Variants in DAB1 observed in about 807,000 individuals in gnomAD.
The protein encoded by DAB1 is DAB adaptor protein 1, also known as disabled homolog 1.
DAB1 carries 15 observed loss-of-function variants against 64.6 expected under a neutral mutation model. The ratio of observed to expected loss-of-function variants is 0.23; its 90% CI spans 0.16 to 0.36. The LOEUF is 0.36. Ranked by LOEUF, DAB1 falls within the 10% of genes least tolerant of loss-of-function variation. The pLI, the probability that DAB1 is intolerant of heterozygous loss-of-function variation, is 1.00. For missense variants in DAB1, 596 were observed against 706.7 expected, an observed-to-expected ratio of 0.84 and a Z score of 1.78; for synonymous variants, 235 against 251.9, an observed-to-expected ratio of 0.93 and a Z score of 0.64.
At chr1:58,308,260 C>T (rs1355925579) in intron 4 of DAB1, among the ~76,000 whole-genome samples, 1 of 152,086 alleles carries the variant, frequency 6.6e-6, no homozygotes, top group African/African-American at 2.4e-5. Flanking sequence ...GCCCTCACAT[C>T]CTTTTATCCA....
intron 2 of DAB1, among the ~76,000 whole-genome samples, chr1:58,516,804 G>C (rs1158366585): frequency 6.6e-6 from 1 of 152,122 alleles, no homozygotes; most frequent in East Asian, 1.9e-4. Flanking sequence ...CATAAAATCA[G>C]AATGCCAACT....
chr1:57,688,992 C>T (rs1023718937), intron 6 of DAB1, among the ~76,000 whole-genome samples: 1 of 152,092 alleles, frequency 6.6e-6, no homozygotes, highest in Non-Finnish European at 1.5e-5. Flanking sequence ...GTGATGGGAT[C>T]CATACCCAAA....
intron 1 of DAB1, among the ~76,000 whole-genome samples, chr1:57,353,781 A>G (rs900992965): frequency 6.6e-6 from 1 of 152,148 alleles, no homozygotes; most frequent in African/African-American, 2.4e-5. Context: ...TGAATAACAG[A>G]TGAGGCCTGG....
intron 4 of DAB1, among the ~76,000 whole-genome samples, chr1:58,236,097 G>GCCCGCCCC (rs1259405121): frequency 1.7e-5 from 2 of 116,430 alleles, no homozygotes; most frequent in Non-Finnish European, 3.7e-5. Context: ...CTGCAGCCCT[G>GCCCGCCCC]CCCGCCCCCC....
chr1:57,959,186 TC>T (rs1645459453), intron 5 of DAB1, among the ~76,000 whole-genome samples: 1 of 152,192 alleles, frequency 6.6e-6, no homozygotes, highest in Non-Finnish European at 1.5e-5. Flanking sequence ...CCTTAACCTT[TC>T]ATTGAGCTTC....
At chr1:58,425,490 G>C (rs1644814204) in intron 3 of DAB1, among the ~76,000 whole-genome samples, 1 of 152,158 alleles carries the variant, frequency 6.6e-6, no homozygotes, top group South Asian at 2.1e-4. Context: ...TTTCAGAAGA[G>C]CATCAGTGTT....
intron 1 of DAB1, among the ~76,000 whole-genome samples, chr1:58,527,914 T>G (rs1646377119): frequency 6.6e-6 from 1 of 152,240 alleles, no homozygotes; most frequent in South Asian, 2.1e-4. Context: ...ACTTTAATTT[T>G]CCTAATTACT....
chr1:57,994,190 A>G (rs1224851326), intron 5 of DAB1, among the ~76,000 whole-genome samples: 1 of 152,212 alleles, frequency 6.6e-6, no homozygotes. Context: ...CAGCTGAGAC[A>G]GAGATGAGAT....
intron 4 of DAB1, among the ~76,000 whole-genome samples, chr1:58,198,814 G>A (rs950362801): frequency 1.3e-5 from 2 of 152,076 alleles, no homozygotes; most frequent in African/African-American, 4.8e-5. Flanking sequence ...GAATTTAAAG[G>A]ATACATGCTG....
chr1:57,123,282 A>T (rs564760190), intron 4 of DAB1, among the ~76,000 whole-genome samples: 2 of 152,232 alleles, frequency 1.3e-5, no homozygotes, highest in South Asian at 2.1e-4. Context: ...AATTCTTAAT[A>T]TCCTTTGGCG....
At chr1:58,292,672 T>C (rs539631203) in intron 4 of DAB1, among the ~76,000 whole-genome samples, 9 of 152,216 alleles carry the variant, frequency 5.9e-5, no homozygotes, top group African/African-American at 2.2e-4. Context: ...GCAAATAATA[T>C]GTGCTCTCTG....
At chr1:58,352,633 T>C (rs537956163) in intron 3 of DAB1, among the ~76,000 whole-genome samples, 1 of 152,290 alleles carries the variant, frequency 6.6e-6, no homozygotes, top group African/African-American at 2.4e-5. Context: ...ACACAATCAA[T>C]ACATTACACA....
At chr1:57,394,881 T>C (rs574703225) in intron 1 of DAB1, among the ~76,000 whole-genome samples, 8 of 152,342 alleles carry the variant, frequency 5.3e-5, no homozygotes, top group Admixed American at 5.2e-4. Flanking sequence ...GTTTGGAGAA[T>C]GTTTTTAGAT....
chr1:57,093,053 C>T (rs1033600590), intron 4 of DAB1, among the ~76,000 whole-genome samples: 1 of 151,952 alleles, frequency 6.6e-6, no homozygotes, highest in Non-Finnish European at 1.5e-5. Flanking sequence ...ATGCAAAGAC[C>T]CAGATAGACC....
chr1:57,905,907 T>G (rs72920612), intron 5 of DAB1, among the ~76,000 whole-genome samples: 1 of 152,208 alleles, frequency 6.6e-6, no homozygotes, highest in East Asian at 1.9e-4. Context: ...GTGACAGGAA[T>G]GCAGAGAATT....
chr1:57,570,014 T>C (rs1278752865), intron 7 of DAB1, among the ~76,000 whole-genome samples: 2 of 152,160 alleles, frequency 1.3e-5, no homozygotes, highest in Non-Finnish European at 2.9e-5. Context: ...CTTGTGATGG[T>C]AATACTGAGT....
In DAB1 at chr1:58,300,709, GAAGGAAGA is replaced by G. The variant is rs1300602115; in HGVS notation, n.309+42635_309+42642del. On this transcript the variant is annotated intron_variant and non_coding_transcript_variant, in intron 4 of 20. Coordinates refer to the DAB1 transcript ENST00000485760. ...GGAAGGAAGGAAGGAAGGAAGGAAG[GAAGGAAGA>G]GAAAACTGGCAAGGAGAGAAAGCAA... Among the ~76,000 whole-genome samples the G allele has an allele frequency of 4.1e-5, 6 of 144,824 alleles. 1 individual carries two copies. The highest frequency in any genetic ancestry group is 1.0e-4 in the African/African-American group (4 of 38,138).
intron 7 of DAB1, among the ~76,000 whole-genome samples, chr1:57,458,597 CTCTA>C (rs1472774451): frequency 6.6e-6 from 1 of 151,964 alleles, no homozygotes; most frequent in African/African-American, 2.4e-5. Context: ...CATTCTAGGA[CTCTA>C]TCATAAGCAA....
At chr1:57,217,326 G>T (rs1666502336) in intron 2 of DAB1, among the ~76,000 whole-genome samples, 1 of 152,024 alleles carries the variant, frequency 6.6e-6, no homozygotes, top group Non-Finnish European at 1.5e-5. Flanking sequence ...ATAAAGTCTG[G>T]TCTTTTCTAT....
Sources: allele counts gnomAD v4.1 joint callset (sites outside exome capture counted in the v4.1 genomes callset), GRCh38; gene constraint gnomAD v4.1.1; transcripts MANE v1.5; gene names NCBI Gene and HGNC (gene_info 2026-07-23, HGNC 2026-07-21).